Variants in GFRA1 observed in about 807,000 individuals in gnomAD.
GFRA1 encodes the protein GDNF family receptor alpha 1, also known as GDNF family receptor alpha-1.
A neutral mutation model predicts 51.6 loss-of-function variants in GFRA1; 16 were observed. The observed-to-expected ratio is 0.31, with a 90% CI of 0.21 to 0.47. The LOEUF is 0.47. GFRA1 is among the 20% of genes least tolerant of loss of function. The pLI, the probability that GFRA1 is intolerant of heterozygous loss-of-function variation, is 1.00. For synonymous variants in GFRA1, 270 were observed against 241.3 expected (o/e 1.12, Z -1.10); for missense variants, 530 against 594.3 (o/e 0.89, Z 1.13).
chr10:116,132,030 G>C (rs1282261190), intron 5 of GFRA1, among the ~76,000 whole-genome samples: 6 of 151,622 alleles, frequency 4.0e-5, no homozygotes, highest in Non-Finnish European at 7.4e-5. Flanking sequence ...AATATAAGGA[G>C]GCACTGTCGC....
At chr10:116,069,075 A>C (rs1955249520) in intron 9 of GFRA1, among the ~76,000 whole-genome samples, 1 of 152,196 alleles carries the variant, frequency 6.6e-6, no homozygotes, top group Non-Finnish European at 1.5e-5. Flanking sequence ...TGAGCCTCAC[A>C]GCCCTGATGA....
chr10:116,080,186 A>G (rs1442967022), intron 9 of GFRA1, among the ~76,000 whole-genome samples: 3 of 152,218 alleles, frequency 2.0e-5, no homozygotes, highest in South Asian at 2.1e-4. Context: ...GCTGGGCACC[A>G]TTCTGAGCAT....
At chr10:116,182,201 C>T (rs1477774318) in intron 5 of GFRA1, among the ~76,000 whole-genome samples, 2 of 151,796 alleles carry the variant, frequency 1.3e-5, no homozygotes, top group Non-Finnish European at 2.9e-5. Context: ...AAAGGACTGT[C>T]CCTTGTACAG....
intron 6 of GFRA1, among the ~76,000 whole-genome samples, chr10:116,117,132 C>T (rs1227570938): frequency 1.3e-5 from 2 of 152,214 alleles, no homozygotes; most frequent in Admixed American, 1.3e-4. Flanking sequence ...CTCCACTGAT[C>T]ATCCCCTTGC....
intron 5 of GFRA1, among the ~76,000 whole-genome samples, chr10:116,206,512 T>C (rs1964769400): frequency 6.6e-6 from 1 of 152,124 alleles, no homozygotes; most frequent in Admixed American, 6.5e-5. Context: ...TCTCTTCAAA[T>C]TAATAAAAGC....
intron 9 of GFRA1, among the ~76,000 whole-genome samples, chr10:116,081,132 A>T (rs1955830851): frequency 6.6e-6 from 1 of 152,146 alleles, no homozygotes. Flanking sequence ...CAGTGAAATG[A>T]ACTTGAGGGG....
intron 8 of GFRA1, among the ~76,000 whole-genome samples, chr10:116,091,229 A>C (rs1341089015): frequency 6.6e-6 from 1 of 152,164 alleles, no homozygotes; most frequent in African/African-American, 2.4e-5. Flanking sequence ...CATTCATTCA[A>C]ATGTTAATAG....
chr10:116,274,426 G>C (rs181934519), upstream of GFRA1, among the ~76,000 whole-genome samples: 48 of 152,358 alleles, frequency 3.2e-4, 1 homozygote, highest in East Asian at 7.0e-3. Flanking sequence ...TTGATCGAGG[G>C]GGGTAAATTG....
intron 6 of GFRA1, among the ~76,000 whole-genome samples, chr10:116,122,786 T>A (rs115937838): frequency 6.6e-6 from 1 of 152,128 alleles, no homozygotes; most frequent in African/African-American, 2.4e-5. Context: ...CTCCCAGCCA[T>A]CGTTCAATAG....
At chr10:116,159,456 C>T (rs954164434) in intron 5 of GFRA1, among the ~76,000 whole-genome samples, 3 of 152,214 alleles carry the variant, frequency 2.0e-5, no homozygotes, top group African/African-American at 7.2e-5. Context: ...ATGCAGTCTG[C>T]TGTGTTCCCC....
At chr10:116,122,625 TAGA>T (rs1324132321) in intron 6 of GFRA1, among the ~76,000 whole-genome samples, 1 of 152,212 alleles carries the variant, frequency 6.6e-6, no homozygotes, top group Non-Finnish European at 1.5e-5. Flanking sequence ...ACTCTCTTTT[TAGA>T]AGAACAAGCC....
At chr10:116,204,782 A>T (rs557844537) in intron 5 of GFRA1, among the ~76,000 whole-genome samples, 9 of 152,340 alleles carry the variant, frequency 5.9e-5, no homozygotes, top group African/African-American at 2.2e-4. Flanking sequence ...ATAAATACAT[A>T]CATGAGGGAT....
chr10:116,181,582 T>G (rs564733216), intron 5 of GFRA1, among the ~76,000 whole-genome samples: 1 of 152,198 alleles, frequency 6.6e-6, no homozygotes, highest in Non-Finnish European at 1.5e-5. Context: ...AAAAACCTTC[T>G]GAAGCAGAGG....
intron 9 of GFRA1, among the ~76,000 whole-genome samples, chr10:116,083,661 T>C (rs1282527216): frequency 6.6e-6 from 1 of 152,092 alleles, no homozygotes; most frequent in African/African-American, 2.4e-5. Context: ...GGGTATTTGG[T>C]AGGCTTGGAT....
intron 5 of GFRA1, among the ~76,000 whole-genome samples, chr10:116,174,145 CAA>C (rs35365212): frequency 0.4 from 60,498 of 149,992 alleles, 12,086 homozygotes; most frequent in South Asian, 0.48. Context: ...TAGGCCTTCT[CAA>C]AAAAAAAAAA....
At chr10:116,194,066 T>TAAAAAAAAAAAAA (rs1051845471) in intron 5 of GFRA1, among the ~76,000 whole-genome samples, 4 of 27,002 alleles carry the variant, frequency 1.5e-4, no homozygotes, top group Non-Finnish European at 1.7e-4. Flanking sequence ...AAATAAAATT[T>TAAAAAAAAAAAAA]AAAAAAAAAA....
intron 5 of GFRA1, among the ~76,000 whole-genome samples, chr10:116,184,441 T>C (rs1189455266): frequency 6.6e-6 from 1 of 152,176 alleles, no homozygotes; most frequent in Non-Finnish European, 1.5e-5. Context: ...TCACTCTCCA[T>C]GCTAATGACG....
At chr10:116,082,402 G>T (rs1228392087) in intron 9 of GFRA1, among the ~76,000 whole-genome samples, 2 of 151,956 alleles carry the variant, frequency 1.3e-5, no homozygotes, top group East Asian at 1.9e-4. Flanking sequence ...TCCTCCCTGG[G>T]ACTTTCCACC....
intron 5 of GFRA1, among the ~76,000 whole-genome samples, chr10:116,178,120 C>T (rs1961812252): frequency 6.6e-6 from 1 of 152,220 alleles, no homozygotes; most frequent in Admixed American, 6.5e-5. Context: ...TTCTGCCTGT[C>T]GTGTTCCTAA....
Sources: allele counts gnomAD v4.1 joint callset (sites outside exome capture counted in the v4.1 genomes callset), GRCh38; gene constraint gnomAD v4.1.1; transcripts MANE v1.5; gene names NCBI Gene and HGNC (gene_info 2026-07-23, HGNC 2026-07-21).